Variants in DAB1 observed in about 807,000 individuals in gnomAD.
DAB1 encodes disabled homolog 1.
Under a neutral mutation model 64.6 loss-of-function variants are expected in DAB1, and 15 were observed. The ratio of observed to expected loss-of-function variants is 0.23; its 90% confidence interval spans 0.16 to 0.36. The LOEUF is 0.36. Ranked by LOEUF, DAB1 falls within the 10% of genes least tolerant of loss-of-function variation. DAB1 has a pLI of 1.00. For missense variants in DAB1, 596 were observed against 706.7 expected, an observed-to-expected ratio of 0.84 and a Z score of 1.78; for synonymous variants, 235 against 251.9, an observed-to-expected ratio of 0.93 and a Z score of 0.64.
At chr1:58,309,676 T>A (rs763715092) in intron 4 of DAB1, among the ~76,000 whole-genome samples, 13 of 152,182 alleles carry the variant, frequency 8.5e-5, no homozygotes, top group Non-Finnish European at 1.8e-4. Context: ...AATCTTGGAA[T>A]GGGGTAAAGT....
intron 2 of DAB1, among the ~76,000 whole-genome samples, chr1:57,283,520 T>A (rs1672076501): frequency 1.3e-5 from 2 of 152,194 alleles, no homozygotes; most frequent in Admixed American, 1.3e-4. Context: ...ACTCATGGAA[T>A]CCTCACTGCA....
chr1:57,187,484 G>A (rs155305), intron 2 of DAB1, among the ~76,000 whole-genome samples: 36,997 of 152,060 alleles, frequency 0.24, 5,411 homozygotes, highest in Middle Eastern at 0.34. Context: ...ATGTAAATGT[G>A]CTATGGGCTC....
intron 7 of DAB1, among the ~76,000 whole-genome samples, chr1:57,566,677 A>C (rs2101522032): frequency 6.6e-6 from 1 of 152,378 alleles, no homozygotes; most frequent in East Asian, 1.9e-4. Context: ...AAAATCTAGA[A>C]GAAATGGATA....
intron 5 of DAB1, among the ~76,000 whole-genome samples, chr1:58,089,030 A>G (rs531309597): frequency 6.6e-6 from 1 of 152,376 alleles, no homozygotes; most frequent in Non-Finnish European, 1.5e-5. Context: ...GCCACAACGC[A>G]GCAAAATAGG....
At chr1:58,218,984 G>T (rs1659001638) in intron 4 of DAB1, among the ~76,000 whole-genome samples, 2 of 95,302 alleles carry the variant, frequency 2.1e-5, no homozygotes, top group Non-Finnish European at 3.9e-5. Context: ...CCATAATTCT[G>T]GCCATTCTCT....
chr1:57,390,365 C>T (rs1014864746), intron 1 of DAB1, among the ~76,000 whole-genome samples: 3 of 152,164 alleles, frequency 2.0e-5, no homozygotes, highest in Admixed American at 2.0e-4. Context: ...CATAGGGATA[C>T]TCCTAAGTAT....
chr1:58,499,314 C>CAAAAAAAAAA (rs58217798), intron 3 of DAB1, among the ~76,000 whole-genome samples: 2 of 69,738 alleles, frequency 2.9e-5, no homozygotes, highest in Admixed American at 1.8e-4. Flanking sequence ...CACATCTCTA[C>CAAAAAAAAAA]AAAAAAAAAA....
intron 7 of DAB1, among the ~76,000 whole-genome samples, chr1:57,566,295 T>C (rs1645119797): frequency 6.6e-6 from 1 of 152,216 alleles, no homozygotes; most frequent in Non-Finnish European, 1.5e-5. Context: ...GGGAAATTTA[T>C]AGCACTAAAT....
chr1:57,154,819 C>T (rs1472976982), intron 2 of DAB1, among the ~76,000 whole-genome samples: 1 of 152,104 alleles, frequency 6.6e-6, no homozygotes, highest in Non-Finnish European at 1.5e-5. Context: ...TTTTCATATG[C>T]CTGTTTGCCA....
intron 1 of DAB1, among the ~76,000 whole-genome samples, chr1:58,530,242 T>TA: frequency 6.6e-6 from 1 of 152,182 alleles, no homozygotes; most frequent in Non-Finnish European, 1.5e-5. Context: ...CCACAAGAAG[T>TA]CCTGTATACC....
At chr1:57,121,566 GAAAAAGA>G (rs1291956509) in intron 4 of DAB1, among the ~76,000 whole-genome samples, 2 of 150,206 alleles carry the variant, frequency 1.3e-5, no homozygotes, top group East Asian at 3.9e-4. Context: ...AAAAGAAAAA[GAAAAAGA>G]AAAAAGAAAA....
chr1:57,685,584 C>A (rs1402270994), intron 6 of DAB1, among the ~76,000 whole-genome samples: 1 of 152,138 alleles, frequency 6.6e-6, no homozygotes, highest in Admixed American at 6.5e-5. Flanking sequence ...TAGAATACCA[C>A]ACCTAACAAC....
chr1:57,308,920 G>A (rs1055946517), intron 1 of DAB1, among the ~76,000 whole-genome samples: 5 of 152,056 alleles, frequency 3.3e-5, no homozygotes, highest in African/African-American at 9.7e-5. Flanking sequence ...AAAAAAACTC[G>A]GATATCAGCT....
At position 57,347,322 on chromosome 1, in the gene DAB1, G is replaced by A. The variant is rs1335869733; in HGVS notation, c.-136-56156C>T. Among the ~76,000 whole-genome samples the A allele has an allele frequency of 3.3e-5, 5 of 152,234 alleles. No individual in the cohort carries two copies. In the East Asian group the frequency reaches 7.7e-4, roughly 24 times the overall value. ...TAATAATACTTGCCCTGCCTACCTT[G>A]CAAAATAGGCCTGCTGTGACCAGCA... On this transcript the variant is annotated intron_variant, in intron 1 of 14. Transcript: ENST00000371236.
intron 6 of DAB1, among the ~76,000 whole-genome samples, chr1:57,695,352 GA>G (rs879803970): frequency 0.084 from 4,148 of 49,604 alleles, 293 homozygotes; most frequent in Middle Eastern, 0.11. Context: ...AAGAAAGAAA[GA>G]AAAGAAAGAA....
intron 7 of DAB1, among the ~76,000 whole-genome samples, chr1:57,502,392 T>A (rs1459540522): frequency 6.6e-6 from 1 of 150,744 alleles, no homozygotes; most frequent in Non-Finnish European, 1.5e-5. Context: ...GAAAATTTAA[T>A]CTTGGCAAAA....
At chr1:57,989,866 C>T (rs1187997) in intron 5 of DAB1, among the ~76,000 whole-genome samples, 126,738 of 152,166 alleles carry the variant, frequency 0.83, 53,373 homozygotes, top group South Asian at 0.93. Flanking sequence ...ATATGTTTGC[C>T]ATTACCTCAT....
intron 3 of DAB1, among the ~76,000 whole-genome samples, chr1:58,376,510 G>A (rs1644328121): frequency 7.0e-6 from 1 of 143,706 alleles, no homozygotes. Flanking sequence ...TCTTAATCCT[G>A]AGTTCTAGTT....
chr1:57,920,415 CA>C (rs900474859), intron 5 of DAB1, among the ~76,000 whole-genome samples: 1 of 152,130 alleles, frequency 6.6e-6, no homozygotes, highest in African/African-American at 2.4e-5. Flanking sequence ...TGGGTCCAAA[CA>C]AACCTCCTGT....
Sources: allele counts gnomAD v4.1 joint callset (sites outside exome capture counted in the v4.1 genomes callset), GRCh38; gene constraint gnomAD v4.1.1; transcripts MANE v1.5; gene names NCBI Gene and HGNC (gene_info 2026-07-23, HGNC 2026-07-21).